The following RAPGEF2 variants were observed in gnomAD, a reference collection of about 807,000 sequenced individuals.
The protein encoded by RAPGEF2 is PDZ domain containing guanine nucleotide exchange factor (GEF) 1.
RAPGEF2 carries 54 observed loss-of-function variants against 186.7 expected under a neutral mutation model. The observed-to-expected ratio is 0.29, with a 90% CI of 0.23 to 0.36. RAPGEF2 has a LOEUF of 0.36. Among genes scored for constraint, RAPGEF2 ranks in the 10% least tolerant of loss-of-function variants. RAPGEF2 has a pLI of 1.00. For synonymous variants in RAPGEF2, 712 were observed against 705.9 expected (o/e 1.01, Z -0.14); for missense variants, 1,532 against 2,045.0 (o/e 0.75, Z 4.84).
intron 18 of RAPGEF2, 84 bp from the exon 19 acceptor site, chr4:159,339,030 G>A (rs1767863024): frequency 6.7e-7 from 1 of 1,487,630 alleles, no homozygotes; most frequent in Non-Finnish European, 9.1e-7. Context: ...TTCTTAAGGA[G>A]CTTTTTTCTG....
intron 23 of RAPGEF2, 135 bp downstream of exon 23, chr4:159,344,194 C>T: frequency 1.1e-6 from 1 of 870,186 alleles, no homozygotes; most frequent in Non-Finnish European, 1.9e-6. Context: ...AGCAGAATTT[C>T]AGATGGCAAA....
chr4:159,288,548 C>G (rs955551958), intron 7 of RAPGEF2, among the ~76,000 whole-genome samples: 9 of 152,058 alleles, frequency 5.9e-5, no homozygotes, highest in Admixed American at 1.3e-4. Flanking sequence ...CCACCCCCTG[C>G]CAGAATGATC....
At chr4:159,201,840 C>A (rs552178427) in intron 3 of RAPGEF2, among the ~76,000 whole-genome samples, 1 of 152,088 alleles carries the variant, frequency 6.6e-6, no homozygotes, top group East Asian at 1.9e-4. Flanking sequence ...CCTTGTGGTC[C>A]CCATGTAGTT....
At chr4:159,312,242 C>T (rs894215606) in intron 8 of RAPGEF2, among the ~76,000 whole-genome samples, 2 of 151,998 alleles carry the variant, frequency 1.3e-5, no homozygotes, top group Admixed American at 6.5e-5. Flanking sequence ...AGTGTCCTTT[C>T]TTCACTCTAT....
At chr4:159,162,972 CTT>C (rs990948586) in intron 1 of RAPGEF2, among the ~76,000 whole-genome samples, 2 of 152,028 alleles carry the variant, frequency 1.3e-5, no homozygotes, top group African/African-American at 4.8e-5. Flanking sequence ...CTAGAATCTT[CTT>C]TTTGTTACCT....
chr4:159,198,655 AG>A (rs201134919), intron 3 of RAPGEF2, among the ~76,000 whole-genome samples: 3,894 of 151,306 alleles, frequency 0.026, 70 homozygotes, highest in Non-Finnish European at 0.038. Context: ...CATATTGGCC[AG>A]GCTGGTCTCA....
In RAPGEF2 at chr4:159,201,280, G is replaced by T. The variant is rs188228865; in HGVS notation, c.197+8024G>T. ...AATGATGTAATGTATTTGTGAAAAA[G>T]ATTAAAATTATTGTGTATCTGGAAA... is the stretch of plus-strand genomic sequence containing the variant. On this transcript the variant is annotated intron_variant, in intron 3 of 29. Transcript: ENST00000691494. Among the ~76,000 whole-genome samples the T allele has an allele frequency of 2.5e-3, 385 of 152,256 alleles. 1 individual carries two copies. Among genetic ancestry groups the T allele is most frequent in the South Asian group, 8.3e-3 (40 of 4,826 alleles).
At chr4:159,295,738 T>TGTGTGC (rs1761881188) in intron 7 of RAPGEF2, among the ~76,000 whole-genome samples, 1 of 133,808 alleles carries the variant, frequency 7.5e-6, no homozygotes, top group Non-Finnish European at 1.5e-5. Context: ...TGTGTGTGTG[T>TGTGTGC]GTGTGTGTGT....
Position 159,223,629 on chromosome 4 carries a change from A to G in RAPGEF2, c.281+13046A>G, listed in dbSNP as rs143848888. ...GAAAAACCTCAAGTTAAGAAATTCCATTTCATTAGGCTAAATCAGATACAT... is the reference window on the plus strand; with the variant it reads ...GAAAAACCTCAAGTTAAGAAATTCCGTTTCATTAGGCTAAATCAGATACAT... On this transcript the variant is annotated intron_variant, in intron 4 of 29. Transcript: ENST00000691494. 3.2e-3 allele frequency among the ~76,000 whole-genome samples: 480 copies of G among 152,324 alleles called. 4 individuals are homozygous for G. The highest frequency in any genetic ancestry group is 0.011 in the African/African-American group (460 of 41,576).
intron 7 of RAPGEF2, among the ~76,000 whole-genome samples, chr4:159,300,537 G>C (rs116165903): frequency 6.6e-6 from 1 of 151,878 alleles, no homozygotes; most frequent in Non-Finnish European, 1.5e-5. Context: ...AAATACATTG[G>C]TATTAAAAAT....
chr4:159,174,757 T>C (rs1485013621), intron 1 of RAPGEF2, among the ~76,000 whole-genome samples: 3 of 127,248 alleles, frequency 2.4e-5, no homozygotes, highest in South Asian at 2.3e-4. Context: ...CTTTTCTTTC[T>C]TTCTTTTTTT....
intron 4 of RAPGEF2, among the ~76,000 whole-genome samples, chr4:159,221,512 G>C (rs755077315): frequency 6.6e-6 from 1 of 152,166 alleles, no homozygotes; most frequent in Non-Finnish European, 1.5e-5. Context: ...AGGATCCTGG[G>C]ACATGTAGTC....
chr4:159,186,937 CA>C (rs1214191636), intron 2 of RAPGEF2, among the ~76,000 whole-genome samples: 2 of 152,082 alleles, frequency 1.3e-5, no homozygotes, highest in Non-Finnish European at 2.9e-5. Flanking sequence ...TGTGTTATAG[CA>C]TTTGAAATCC....
intron 11 of RAPGEF2, chr4:159,329,566 AAAG>A (rs1766384948): frequency 5.6e-6 from 1 of 177,450 alleles, no homozygotes; most frequent in Non-Finnish European, 1.2e-5. Context: ...TTTAATTGTG[AAAG>A]AAGCATGAAA....
At chr4:159,242,542 G>T (rs1339400919) in intron 6 of RAPGEF2, among the ~76,000 whole-genome samples, 2 of 151,954 alleles carry the variant, frequency 1.3e-5, no homozygotes, top group African/African-American at 4.8e-5. Flanking sequence ...CTAGCAACCT[G>T]ACTACTCCTC....
chr4:159,254,809 C>A (rs1346918603), intron 7 of RAPGEF2, among the ~76,000 whole-genome samples: 1 of 152,044 alleles, frequency 6.6e-6, no homozygotes, highest in African/African-American at 2.4e-5. Flanking sequence ...CCATATTGGC[C>A]AGGCTGGTCT....
chr4:159,289,733 A>G (rs1470860283), intron 7 of RAPGEF2, among the ~76,000 whole-genome samples: 2 of 152,240 alleles, frequency 1.3e-5, no homozygotes, highest in Non-Finnish European at 2.9e-5. Context: ...GACAGGCAGC[A>G]TTCTGGGTAT....
intron 7 of RAPGEF2, among the ~76,000 whole-genome samples, chr4:159,293,814 C>T (rs1225166681): frequency 2.0e-5 from 3 of 152,150 alleles, no homozygotes; most frequent in Non-Finnish European, 4.4e-5. Context: ...TGTGTTTAAC[C>T]TTCAATGCAA....
chr4:159,112,689 A>C (rs888241606), intron 1 of RAPGEF2, among the ~76,000 whole-genome samples: 3 of 152,140 alleles, frequency 2.0e-5, no homozygotes, highest in African/African-American at 7.2e-5. Context: ...GAAATAGAAA[A>C]TCACCAGCAG....
Sources: allele counts gnomAD v4.1 joint callset (sites outside exome capture counted in the v4.1 genomes callset), GRCh38; gene constraint gnomAD v4.1.1; transcripts MANE v1.5; gene names NCBI Gene and HGNC (gene_info 2026-07-23, HGNC 2026-07-21).